Variants in POLA1 observed in about 807,000 individuals in gnomAD.
POLA1 encodes the protein DNA polymerase alpha catalytic subunit.
Under a neutral mutation model 124.0 loss-of-function variants are expected in POLA1, and 15 were observed. The observed-to-expected ratio is 0.12, with a 90% CI of 0.08 to 0.19. The LOEUF is 0.19. Among genes scored for constraint, POLA1 ranks in the 10% least tolerant of loss-of-function variants. The probability of loss-of-function intolerance (pLI) is 1.00; values close to 1 mark genes in which losing one functional copy is unlikely to be tolerated. For synonymous variants in POLA1, 408 were observed against 389.4 expected (o/e 1.05, Z -0.56); for missense variants, 886 against 1,103.4 (o/e 0.80, Z 2.79).
At chrX:24,788,564 C>T (rs201284924) in intron 26 of POLA1, 14 of 1,189,858 alleles carry the variant, frequency 1.2e-5, no homozygotes, top group African/African-American at 5.3e-5. Context: ...CCAGACTAAG[C>T]CGTCTGCTTG....
chrX:24,863,864 G>C (rs762664289), intron 34 of POLA1, among the ~76,000 whole-genome samples: 1 of 111,190 alleles, frequency 9.0e-6, no homozygotes, highest in South Asian at 3.8e-4. Flanking sequence ...CCTATGTTCA[G>C]TGTTACATGA....
At chrX:24,897,302 G>T (rs1184640793) in intron 35 of POLA1, among the ~76,000 whole-genome samples, 1 of 110,649 alleles carries the variant, frequency 9.0e-6, no homozygotes, top group African/African-American at 3.3e-5. Context: ...GGGCACAGAA[G>T]TGGGGGGCTG....
At chrX:24,830,708 G>A (rs1017404207) in intron 32 of POLA1, among the ~76,000 whole-genome samples, 31 of 112,117 alleles carry the variant, frequency 2.8e-4, no homozygotes, top group African/African-American at 1.0e-3. Context: ...TTCTGTGGAT[G>A]AAATATTCAC....
chrX:24,928,259 G>C (rs1331364617), intron 35 of POLA1, among the ~76,000 whole-genome samples: 1 of 111,360 alleles, frequency 9.0e-6, no homozygotes. Context: ...ACTAAACTCC[G>C]TGGCTGACGC....
At chrX:24,807,964 A>T (rs1348764346) in intron 26 of POLA1, among the ~76,000 whole-genome samples, 1 of 111,988 alleles carries the variant, frequency 8.9e-6, no homozygotes, top group Admixed American at 9.4e-5. Flanking sequence ...CAGCAAGAGG[A>T]TCTATGTAAA....
chrX:24,898,833 A>T (rs1001296938), intron 35 of POLA1, among the ~76,000 whole-genome samples: 1 of 111,775 alleles, frequency 8.9e-6, no homozygotes, highest in African/African-American at 3.3e-5. Context: ...TTCTAACTTC[A>T]GCGCATTTCA....
intron 32 of POLA1, among the ~76,000 whole-genome samples, chrX:24,831,245 TC>T (rs772621503): frequency 9.0e-6 from 1 of 110,655 alleles, no homozygotes; most frequent in Admixed American, 9.6e-5. Context: ...TCCAGGGAGA[TC>T]CACCTACAAA....
chrX:24,864,888 C>T (rs1220413925), intron 34 of POLA1, among the ~76,000 whole-genome samples: 1 of 111,826 alleles, frequency 8.9e-6, no homozygotes, highest in African/African-American at 3.3e-5. Flanking sequence ...AGAAGAAAGA[C>T]TAATATTTTT....
At chrX:24,883,625 A>G (rs1368429305) in intron 34 of POLA1, among the ~76,000 whole-genome samples, 1 of 112,368 alleles carries the variant, frequency 8.9e-6, no homozygotes, top group Non-Finnish European at 1.9e-5. Context: ...GCAACAAGTC[A>G]TAGAGCTTGG....
intron 36 of POLA1, among the ~76,000 whole-genome samples, chrX:24,940,427 C>G (rs145484960): frequency 0.049 from 5,439 of 111,197 alleles, 354 homozygotes; most frequent in African/African-American, 0.17. Context: ...GAATTAATTG[C>G]ACATCAATTA....
intron 31 of POLA1, among the ~76,000 whole-genome samples, chrX:24,822,098 C>G (rs922801506): frequency 9.1e-6 from 1 of 109,590 alleles, no homozygotes. Flanking sequence ...ACCCTTCCTT[C>G]TCCGTTTCAC....
Position 24,742,240 on chromosome X carries a change from A to G in POLA1, c.2466+119A>G, listed in dbSNP as rs185665362. 1.6e-3 allele frequency: 976 copies of G among 614,474 alleles called. 3 individuals are homozygous for G. Among genetic ancestry groups the G allele is most frequent in the Non-Finnish European group, 2.0e-3 (847 of 418,329 alleles). 50.6% of individuals were successfully genotyped at this position (614,474 alleles called of 1,213,427 possible). On this transcript the variant is annotated intron_variant, in intron 22 of 36. Transcript: ENST00000379068. ...TTTCAAAATAGCTAATCCCTTGTGT[A>G]CTAAAGAAACCGTGTCAAGTTTATT...
At chrX:24,931,738 G>A (rs2047782494) in intron 36 of POLA1, among the ~76,000 whole-genome samples, 2 of 111,929 alleles carry the variant, frequency 1.8e-5, no homozygotes, top group African/African-American at 6.5e-5. Context: ...ATATATACTT[G>A]TAATATCATT....
chrX:24,863,677 A>G (rs1382557528), intron 34 of POLA1, among the ~76,000 whole-genome samples: 1 of 111,483 alleles, frequency 9.0e-6, no homozygotes, highest in Non-Finnish European at 1.9e-5. Flanking sequence ...ATCTTGAGAA[A>G]TCTATCTTTG....
At chrX:24,735,249 A>T in intron 17 of POLA1, 150 bp from the exon 18 acceptor site, 1 of 406,240 alleles carries the variant, frequency 2.5e-6, no homozygotes, top group Non-Finnish European at 4.3e-6. Flanking sequence ...TATGAAACCT[A>T]CAATCAGGAA....
chrX:24,916,368 G>A (rs763720322), intron 35 of POLA1, among the ~76,000 whole-genome samples: 70 of 105,328 alleles, frequency 6.6e-4, no homozygotes, highest in East Asian at 1.2e-3. Context: ...TGCAACCTCC[G>A]TCTCCAGGTT....
chrX:24,806,434 T>C (rs1413638445), intron 26 of POLA1, among the ~76,000 whole-genome samples: 1 of 110,083 alleles, frequency 9.1e-6, no homozygotes, highest in East Asian at 2.9e-4. Context: ...TGGATAAGCA[T>C]TGGACTAGAG....
At chrX:24,831,469 G>A (rs1038824916) in intron 32 of POLA1, among the ~76,000 whole-genome samples, 8 of 110,564 alleles carry the variant, frequency 7.2e-5, no homozygotes, top group Admixed American at 2.9e-4. Context: ...CACCCAGGCT[G>A]GAGTGCAGTG....
At chrX:24,821,364 T>A (rs1451096943) in intron 30 of POLA1, 88 bp from the exon 31 acceptor site, 1 of 685,830 alleles carries the variant, frequency 1.5e-6, no homozygotes, top group African/African-American at 2.2e-5. Flanking sequence ...ATGTGGCTAG[T>A]ATGATTCTAG....
Sources: gnomAD v4.1 joint callset for allele counts (sites outside exome capture counted in the v4.1 genomes callset) on GRCh38, gnomAD v4.1.1 for gene constraint, MANE v1.5 for transcripts, NCBI Gene and HGNC (gene_info 2026-07-23, HGNC 2026-07-21) for gene names.